REPS2: variants seen among roughly 807,000 people sequenced by gnomAD.
The protein encoded by REPS2 is ralBP1-associated Eps domain-containing protein 2.
Under a neutral mutation model 53.6 loss-of-function variants are expected in REPS2, and 23 were observed. The ratio of observed to expected loss-of-function variants is 0.43; its 90% CI spans 0.31 to 0.61. The LOEUF (loss-of-function observed/expected upper bound fraction) is 0.61, where lower values mean the gene tolerates loss of function less well. REPS2 is among the 20% of genes least tolerant of loss of function. The probability of loss-of-function intolerance (pLI) is 0.11; values close to 1 mark genes in which losing one functional copy is unlikely to be tolerated. For missense variants in REPS2, 446 were observed against 534.9 expected (o/e 0.83, Z 1.64); for synonymous variants, 238 against 218.6 (o/e 1.09, Z -0.78).
downstream of REPS2, among the ~76,000 whole-genome samples, chrX:17,154,331 G>T (rs778585131): frequency 2.7e-5 from 3 of 112,041 alleles, no homozygotes; most frequent in East Asian, 8.4e-4. Context: ...TTTATTTAAT[G>T]TGTTCCTCCT....
chrX:17,141,351 T>C (rs935911241), intron 17 of REPS2, among the ~76,000 whole-genome samples: 1 of 112,420 alleles, frequency 8.9e-6, no homozygotes, highest in Non-Finnish European at 1.9e-5. Context: ...TTCATTTATA[T>C]TGTTGTGTGT....
At chrX:16,970,422 T>G (rs2060873630) in intron 1 of REPS2, among the ~76,000 whole-genome samples, 1 of 111,680 alleles carries the variant, frequency 9.0e-6, no homozygotes, top group African/African-American at 3.3e-5. Flanking sequence ...GGTCTCAAAC[T>G]CCTGACCTCA....
At chrX:17,050,194 C>CTTTTTTT (rs200986826) in intron 6 of REPS2, among the ~76,000 whole-genome samples, 1 of 51,801 alleles carries the variant, frequency 1.9e-5, no homozygotes, top group African/African-American at 9.5e-5. Flanking sequence ...TTCTTTCTTT[C>CTTTTTTT]TTTTTTTTTT....
intron 1 of REPS2, among the ~76,000 whole-genome samples, chrX:16,951,636 A>G: frequency 9.1e-6 from 1 of 109,812 alleles, no homozygotes; most frequent in South Asian, 4.0e-4. Flanking sequence ...GGATCCCTTG[A>G]GCCCAGGAGT....
chrX:17,025,256 C>T (rs1349422976), intron 4 of REPS2, 71 bp downstream of exon 4: 22 of 1,007,542 alleles, frequency 2.2e-5, no homozygotes, highest in Admixed American at 3.5e-5. Context: ...CAGGCGGTAA[C>T]GCTTCAAGCT....
chrX:17,141,781 T>G (rs746353504), intron 17 of REPS2, among the ~76,000 whole-genome samples: 7 of 112,741 alleles, frequency 6.2e-5, no homozygotes, highest in Non-Finnish European at 9.4e-5. Context: ...TTGTGATTAT[T>G]TACCTTTCAT....
intron 5 of REPS2, among the ~76,000 whole-genome samples, chrX:17,039,769 C>G (rs188603018): frequency 8.9e-6 from 1 of 112,233 alleles, no homozygotes; most frequent in African/African-American, 3.2e-5. Flanking sequence ...AATTACTTCC[C>G]TTACCTAATC....
chrX:17,054,269 G>T (rs1357069553), intron 7 of REPS2, among the ~76,000 whole-genome samples: 1 of 112,540 alleles, frequency 8.9e-6, no homozygotes, highest in Non-Finnish European at 1.9e-5. Flanking sequence ...TCCCAGGAGG[G>T]AGTTCTCAAG....
At chrX:16,973,754 A>G (rs1310116533) in intron 1 of REPS2, among the ~76,000 whole-genome samples, 1 of 110,616 alleles carries the variant, frequency 9.0e-6, no homozygotes, top group Non-Finnish European at 1.9e-5. Flanking sequence ...GTGCCTTATG[A>G]TTTTCTTTGT....
At chrX:17,088,546 A>G (rs1242590084) in intron 13 of REPS2, among the ~76,000 whole-genome samples, 1 of 110,005 alleles carries the variant, frequency 9.1e-6, no homozygotes, top group Non-Finnish European at 1.9e-5. Context: ...ACTAAGATCC[A>G]GGCAATATAA....
At chrX:17,046,644 G>A (rs1414268446) in intron 5 of REPS2, among the ~76,000 whole-genome samples, 2 of 112,115 alleles carry the variant, frequency 1.8e-5, no homozygotes, top group African/African-American at 6.5e-5. Flanking sequence ...GTTTTCTCCC[G>A]CACTGCTTCC....
At chrX:17,157,760 C>A (rs188556015), downstream of REPS2, among the ~76,000 whole-genome samples, 3 of 112,377 alleles carry the variant, frequency 2.7e-5, no homozygotes, top group Non-Finnish European at 5.6e-5. Flanking sequence ...AGCCTTCTTA[C>A]CATTATCAGG....
intron 13 of REPS2, among the ~76,000 whole-genome samples, chrX:17,083,157 A>G (rs2062481606): frequency 1.0e-5 from 1 of 97,743 alleles, no homozygotes; most frequent in African/African-American, 4.0e-5. Context: ...ATCTCAGCTC[A>G]CTGCAAGCTC....
intron 3 of REPS2, among the ~76,000 whole-genome samples, chrX:17,022,708 TCA>T (rs1445971706): frequency 8.9e-6 from 1 of 112,262 alleles, no homozygotes; most frequent in East Asian, 2.8e-4. Flanking sequence ...GACTAAATCC[TCA>T]GTCTTGGAAA....
At chrX:17,189,562 C>T in the REPS2 span, among the ~76,000 whole-genome samples, 3 of 111,513 alleles carry the variant, frequency 2.7e-5, no homozygotes, top group African/African-American at 9.8e-5. Flanking sequence ...GCTGTGATTA[C>T]AGGCATGAGC....
chrX:16,962,621 A>G (rs1429339021), intron 1 of REPS2, among the ~76,000 whole-genome samples: 1 of 111,472 alleles, frequency 9.0e-6, no homozygotes, highest in African/African-American at 3.3e-5. Context: ...ACAATATTGT[A>G]TTGTATATGG....
At chrX:16,966,793 A>C (rs188814432) in intron 1 of REPS2, among the ~76,000 whole-genome samples, 19 of 112,690 alleles carry the variant, frequency 1.7e-4, no homozygotes, top group Admixed American at 1.0e-3. Context: ...CTTGCTACTA[A>C]TAATATCAGA....
chrX:17,027,444 A>G (rs2061658978), intron 4 of REPS2, among the ~76,000 whole-genome samples: 1 of 111,682 alleles, frequency 9.0e-6, no homozygotes, highest in African/African-American at 3.3e-5. Context: ...CAGTTCGACG[A>G]TCTGTTCTCC....
intron 14 of REPS2, among the ~76,000 whole-genome samples, chrX:17,112,964 C>T (rs1053574971): frequency 9.7e-6 from 1 of 103,505 alleles, no homozygotes; most frequent in African/African-American, 3.5e-5. Context: ...TGGTGGCGGG[C>T]GCCTGTAGTC....
Sources: gnomAD v4.1 joint callset for allele counts (sites outside exome capture counted in the v4.1 genomes callset) on GRCh38, gnomAD v4.1.1 for gene constraint, MANE v1.5 for transcripts, NCBI Gene and HGNC (gene_info 2026-07-23, HGNC 2026-07-21) for gene names.